The following PKN3 variants were observed in gnomAD, a reference collection of about 807,000 sequenced individuals.
The protein encoded by PKN3 is serine/threonine-protein kinase N3.
In PKN3, 91 loss-of-function variants were observed where a neutral mutation model predicts 113.1. The observed-to-expected ratio is 0.80, with a 90% CI of 0.68 to 0.96. The LOEUF (loss-of-function observed/expected upper bound fraction) is 0.96. Among genes scored for constraint, PKN3 ranks in the 40% least tolerant of loss-of-function variants. The probability of loss-of-function intolerance (pLI) is 0.00; values close to 1 mark genes in which losing one functional copy is unlikely to be tolerated. For missense variants in PKN3, 1,052 were observed against 1,202.2 expected (o/e 0.88, Z 1.85); for synonymous variants, 467 against 499.0 (o/e 0.94, Z 0.85).
rs924643573 is a variant in PKN3 at position 128,705,779 on chromosome 9, C to A, written c.311C>A (p.Ala104Asp). 6.2e-7 allele frequency: 1 copy of A among 1,608,496 alleles called. No homozygotes were observed. Reference sequence around the variant, plus strand: ...CGGCCGTGGGCAGAGCAGCTCAGGGCTCGGCACCTAGAGGCTCTCCGGAGG... The same window carrying A: ...CGGCCGTGGGCAGAGCAGCTCAGGGATCGGCACCTAGAGGCTCTCCGGAGG... ...GPRPWAEQLR[A>D]RHLEALRRQL... is the part of the protein sequence containing the mutation. Residue 104 changes from alanine (A) to aspartate (D), a missense_variant, in exon 3 of 22, where the codon GCT becomes GAT. Physicochemically the swap from Ala to Asp is moderately radical, Grantham distance 126 (BLOSUM62 -2). Transcript: ENST00000291906.
intron 1 of PKN3, among the ~76,000 whole-genome samples, chr9:128,705,069 C>G (rs993801022): frequency 6.6e-6 from 1 of 152,206 alleles, no homozygotes; most frequent in Non-Finnish European, 1.5e-5. Context: ...CTGTCCCCCC[C>G]GCCACATCCT....
At chr9:128,703,772 C>T (rs1861924229) in intron 1 of PKN3, 13 of 985,414 alleles carry the variant, frequency 1.3e-5, no homozygotes, top group East Asian at 1.1e-4. Flanking sequence ...TCGTTTAGGC[C>T]GCCTTCAGGG....
rs746185574 is a variant in PKN3 at position 128,716,728 on chromosome 9, C to G, written c.1809-19C>G. ...GGGAAAGTTTTCCTTCCCTCTAATA[C>G]TCTTGCTCTCTCCTGTAGCCTGTAC... On this transcript the variant is annotated intron_variant, in intron 15 of 21. Coordinates refer to ENST00000291906, the MANE Select transcript of PKN3 (RefSeq NM_013355.5). 3.7e-6 allele frequency: 6 copies of G among 1,610,046 alleles called. No individual in the cohort carries two copies. The South Asian group carries it at 6.6e-5, about 18-fold the overall frequency.
intron 6 of PKN3, among the ~76,000 whole-genome samples, chr9:128,711,307 C>CT (rs769509901): frequency 0.016 from 2,157 of 131,298 alleles, 27 homozygotes; most frequent in East Asian, 0.063. Flanking sequence ...CGCCCCACCT[C>CT]TTTTTTTTTT....
At chr9:128,706,651 G>A in intron 3 of PKN3, 62 bp from the exon 4 acceptor site, 1 of 1,269,648 alleles carries the variant, frequency 7.9e-7, no homozygotes, top group Non-Finnish European at 1.1e-6. Context: ...TCCAGTTCCT[G>A]GTCTGATGGG....
At chr9:128,709,271 G>T (rs957720358) in intron 6 of PKN3, among the ~76,000 whole-genome samples, 2 of 142,018 alleles carry the variant, frequency 1.4e-5, no homozygotes, top group African/African-American at 2.5e-5. Flanking sequence ...GGGCCACAGC[G>T]AGACTCTGTC....
chr9:128,717,664 G>A (rs1374950696), intron 16 of PKN3, among the ~76,000 whole-genome samples: 1 of 150,126 alleles, frequency 6.7e-6, no homozygotes, highest in Non-Finnish European at 1.5e-5. Context: ...GGAGGCGGAG[G>A]TTGGAGTGAG....
chr9:128,706,665 A>C (rs549706609), intron 3 of PKN3, 48 bp from the exon 4 acceptor site: 1 of 1,352,800 alleles, frequency 7.4e-7, no homozygotes, highest in Non-Finnish European at 9.9e-7. Flanking sequence ...TGATGGGGGA[A>C]GCTGTGGCCC....
intron 3 of PKN3, among the ~76,000 whole-genome samples, chr9:128,706,250 G>A (rs1862012042): frequency 6.6e-6 from 1 of 152,038 alleles, no homozygotes; most frequent in African/African-American, 2.4e-5. Flanking sequence ...ATCTGATGGG[G>A]GAGGCTTATC....
rs777161734 is a variant in PKN3, at chr9:128,720,521, C to G, written c.2585C>G (p.Pro862Arg). Residue 862 changes from proline (P) to arginine (R), a missense_variant, in exon 22 of 22, where the codon CCT becomes CGT. Pro to Arg is a moderately radical substitution (Grantham distance 103, BLOSUM62 -2). Coordinates refer to ENST00000291906, the MANE Select transcript of PKN3 (RefSeq NM_013355.5). The surrounding 1 kb of genome is among the most constrained non-coding windows in gnomAD (Gnocchi z 5.5). Reference sequence around the variant, plus strand: ...GGGCTGCCGCCTGCCCTGACCCCACCTGCACCCCACAGCCTCCTCACTGCC... The same window carrying G: ...GGGCTGCCGCCTGCCCTGACCCCACGTGCACCCCACAGCCTCCTCACTGCC... ...FTGLPPALTPPAPHSLLTARQ... is the reference protein window; with the variant it reads ...FTGLPPALTPRAPHSLLTARQ... 1.2e-6 allele frequency: 2 copies of G among 1,613,326 alleles called. No individual in the cohort carries two copies. The highest frequency in any genetic ancestry group is 2.7e-5 in the African/African-American group (2 of 74,930).
intron 1 of PKN3, chr9:128,703,781 G>A (rs1861924359): frequency 1.0e-6 from 1 of 985,324 alleles, no homozygotes; most frequent in African/African-American, 1.7e-5. Context: ...CCGCCTTCAG[G>A]GCTGGGGCTC....
chr9:128,705,827 T>A lies in PKN3; in HGVS notation c.359T>A (p.Val120Glu). ...LRRQLHVELK[V>E]KQGAENMTHT... Reference sequence around the variant, plus strand: ...AGGCAGCTGCATGTGGAGCTGAAGGTGAAGCAGGGGGCTGAGAACATGACC... The same window carrying A: ...AGGCAGCTGCATGTGGAGCTGAAGGAGAAGCAGGGGGCTGAGAACATGACC... The change falls in exon 3 of 22, where the codon GTG becomes GAG. Residue 120 changes from valine to glutamate, a missense_variant. Physicochemically the swap from Val to Glu is moderately radical, Grantham distance 121. Transcript: ENST00000291906. 6.2e-7 allele frequency: 1 copy of A among 1,608,666 alleles called. No individual in the cohort carries two copies. The highest frequency in any genetic ancestry group is 8.5e-7 in the Non-Finnish European group (1 of 1,177,616).
At chr9:128,711,432 G>C (rs1200586736) in intron 6 of PKN3, among the ~76,000 whole-genome samples, 1 of 149,810 alleles carries the variant, frequency 6.7e-6, no homozygotes, top group Non-Finnish European at 1.5e-5. Flanking sequence ...TCAGCCTCTC[G>C]AGTAGCTGGG....
At chr9:128,717,117 CTTTTTTTTTTTTTTTT>C (rs34182369) in intron 16 of PKN3, among the ~76,000 whole-genome samples, 194 bp downstream of exon 16, 1 of 24,364 alleles carries the variant, frequency 4.1e-5, no homozygotes, top group Non-Finnish European at 8.1e-5. Context: ...CATTAGGTTT[CTTTTTTTTTTTTTTTT>C]TTTTTTTTTT....
At chr9:128,717,027 C>A in intron 16 of PKN3, 104 bp downstream of exon 16, 1 of 909,278 alleles carries the variant, frequency 1.1e-6, no homozygotes, top group Non-Finnish European at 1.7e-6. Flanking sequence ...AGCAGGGGAG[C>A]AGGAGTCAGA....
chr9:128,716,570 C>A (rs1212946306), intron 15 of PKN3, among the ~76,000 whole-genome samples, 177 bp from the exon 16 acceptor site: 1 of 151,506 alleles, frequency 6.6e-6, no homozygotes, highest in Admixed American at 6.6e-5. Flanking sequence ...AGCACTCCAG[C>A]CCAGGCGACA....
Position 128,715,255 on chromosome 9 carries a change from G to A in PKN3, c.1716+20G>A, listed in dbSNP as rs769066943. The A allele has an allele frequency of 3.1e-6, 5 of 1,613,340 alleles. No homozygotes were observed. In the South Asian group the frequency reaches 5.5e-5, roughly 18 times the overall value. On this transcript the variant is annotated intron_variant, in intron 14 of 21. Coordinates refer to ENST00000291906, the MANE Select transcript of PKN3 (RefSeq NM_013355.5). The surrounding 1 kb of genome is among the most constrained non-coding windows in gnomAD (Gnocchi z 4.1). ...GGGAAGGTAGTGGGCTGAAGAGGGT[G>A]GTATGGGACGGGATTGGGGGCCTCA...
Position 128,705,381 on chromosome 9 carries a change from G to A in PKN3, c.103G>A (p.Glu35Lys). 6.3e-7 allele frequency: 1 copy of A among 1,597,364 alleles called. No homozygotes were observed. Among genetic ancestry groups the A allele is most frequent in the Non-Finnish European group, 8.5e-7 (1 of 1,172,688 alleles). The change falls in exon 2 of 22, where the codon GAG becomes AAG. Residue 35 changes from glutamate (E) to lysine (K), a missense_variant. Physicochemically the swap from Glu to Lys is moderately conservative, Grantham distance 56 (BLOSUM62 1). Coordinates refer to ENST00000291906, the MANE Select transcript of PKN3 (RefSeq NM_013355.5). ...CATCCAGAAAGAGCTGAAGATCAAG[G>A]AGGGGGTGGAGAACCTGCGGCGCGT... ...RAIQKELKIK[E>K]GVENLRRVAT...
intron 5 of PKN3, 36 bp downstream of exon 5, chr9:128,707,059 C>T (rs1376460615): frequency 6.2e-7 from 1 of 1,613,350 alleles, no homozygotes; most frequent in South Asian, 1.1e-5. Context: ...CTAAGGCTGG[C>T]TTGTTCCCAT....
Sources: allele counts gnomAD v4.1 joint callset (sites outside exome capture counted in the v4.1 genomes callset), GRCh38; gene constraint gnomAD v4.1.1; non-coding constraint Gnocchi (gnomAD v3.1); transcripts MANE v1.5; gene names NCBI Gene and HGNC (gene_info 2026-07-23, HGNC 2026-07-21).